CRYBG3: variants seen among roughly 807,000 people sequenced by gnomAD.
The protein encoded by CRYBG3 is crystallin beta-gamma domain containing 3.
Under a neutral mutation model 244.2 loss-of-function variants are expected in CRYBG3, and 127 were observed. That is an observed-to-expected ratio of 0.52 (90% CI 0.45 to 0.60). The LOEUF (loss-of-function observed/expected upper bound fraction) is 0.60. Ranked by LOEUF, CRYBG3 falls within the 20% of genes least tolerant of loss-of-function variation. The probability of loss-of-function intolerance (pLI) is 0.00; values close to 1 mark genes in which losing one functional copy is unlikely to be tolerated. For missense variants in CRYBG3, 3,325 were observed against 3,442.5 expected, an observed-to-expected ratio of 0.97 and a Z score of 0.85; for synonymous variants, 1,132 against 1,195.8, an observed-to-expected ratio of 0.95 and a Z score of 1.10.
chr3:97,910,340 C>T (rs2039853173), intron 15 of CRYBG3, among the ~76,000 whole-genome samples: 1 of 152,226 alleles, frequency 6.6e-6, no homozygotes, highest in African/African-American at 2.4e-5. Flanking sequence ...GGCACCCCTC[C>T]CCCAGCCTGG....
At chr3:97,823,863 A>G (rs1559709089) in intron 1 of CRYBG3, among the ~76,000 whole-genome samples, 1 of 152,122 alleles carries the variant, frequency 6.6e-6, no homozygotes, top group Non-Finnish European at 1.5e-5. Context: ...TCTCTGCCCT[A>G]TTTTGGCTTT....
At chr3:97,885,973 G>C (rs921775891) in intron 7 of CRYBG3, among the ~76,000 whole-genome samples, 1 of 152,130 alleles carries the variant, frequency 6.6e-6, no homozygotes, top group Non-Finnish European at 1.5e-5. Context: ...GAAGAGATAT[G>C]CATGAGGGAA....
intron 10 of CRYBG3, among the ~76,000 whole-genome samples, chr3:97,892,345 A>G (rs2039588191): frequency 6.6e-6 from 1 of 152,156 alleles, no homozygotes; most frequent in African/African-American, 2.4e-5. Flanking sequence ...TGCAAACAAG[A>G]TGAATTTTTT....
In CRYBG3 at chr3:97,896,086, G is replaced by A. The variant is rs747144862; in HGVS notation, c.7701+1G>A. On this transcript the variant is annotated splice_donor_variant, in intron 12 of 21. Transcript: ENST00000389622. LOFTEE classifies it high-confidence loss of function. ...CTTGTCTTTCCGGTACTTACAAGCT[G>A]TGAGTTAGCTTCCTTATCCTTAATT... 1.0e-5 allele frequency: 16 copies of A among 1,604,158 alleles called. No homozygotes were observed. The highest frequency in any genetic ancestry group is 1.3e-5 in the Non-Finnish European group (15 of 1,175,986).
At chr3:97,830,651 T>C (rs1276198605) in intron 1 of CRYBG3, among the ~76,000 whole-genome samples, 1 of 152,204 alleles carries the variant, frequency 6.6e-6, no homozygotes, top group Admixed American at 6.5e-5. Flanking sequence ...TCTCTATTAG[T>C]CTTCTCTTTA....
chr3:97,942,491 A>C (rs1249250703), intron 21 of CRYBG3, 48 bp downstream of exon 21: 2 of 1,509,396 alleles, frequency 1.3e-6, no homozygotes, highest in African/African-American at 2.8e-5. Flanking sequence ...TATTAGTTTC[A>C]GTTCCAAATC....
intron 17 of CRYBG3, among the ~76,000 whole-genome samples, chr3:97,933,327 C>A (rs1417575686): frequency 6.6e-6 from 1 of 151,990 alleles, no homozygotes; most frequent in Admixed American, 6.6e-5. Context: ...AATTAGGGTG[C>A]CATTCCATTC....
Position 97,875,577 on chromosome 3 carries a change from TAACAA to T in CRYBG3, c.4387_4391del (p.Lys1463Ter). The T allele has an allele frequency of 8.1e-7, 1 of 1,239,890 alleles. No individual in the cohort carries two copies. Among genetic ancestry groups the T allele is most frequent in the Non-Finnish European group, 1.0e-6 (1 of 993,454 alleles). 76.8% of individuals were successfully genotyped at this position (1,239,890 alleles called of 1,614,324 possible). On this transcript the variant is annotated frameshift_variant, in exon 4 of 22. Coordinates refer to ENST00000389622, the MANE Select transcript of CRYBG3 (RefSeq NM_153605.4). LOFTEE classifies it high-confidence loss of function. The stretch of plus-strand genomic sequence containing the variant: ...CAATGGAAATAGAGAATGTGGATAA[TAACAA>T]AACTGAGACAGAGGACAGAAGAACT...
Position 97,871,998 on chromosome 3 carries a change from C to G in CRYBG3, c.804C>G (p.His268Gln). The G allele has an allele frequency of 6.5e-7, 1 of 1,535,902 alleles. No individual in the cohort carries two copies. Among genetic ancestry groups the G allele is most frequent in the Non-Finnish European group, 8.7e-7 (1 of 1,146,762 alleles). ...NESSDSSTNR[H>Q]IDPGSEIEAG... Reference sequence around the variant, plus strand: ...GTTCTGACTCTAGTACAAACAGACACATTGACCCTGGAAGTGAGATTGAGG... The same window carrying G: ...GTTCTGACTCTAGTACAAACAGACAGATTGACCCTGGAAGTGAGATTGAGG... The change falls in exon 4 of 22, where the codon CAC (histidine) becomes CAG (glutamine). Residue 268 changes from histidine (H) to glutamine (Q), a missense_variant. Coordinates refer to ENST00000389622, the MANE Select transcript of CRYBG3 (RefSeq NM_153605.4).
At chr3:97,899,587 G>A (rs1438663977) in intron 14 of CRYBG3, among the ~76,000 whole-genome samples, 7 of 152,190 alleles carry the variant, frequency 4.6e-5, no homozygotes, top group African/African-American at 1.7e-4. Context: ...GGAAATAGAT[G>A]TATGGACAAT....
chr3:97,836,488 C>CT (rs2038734925), intron 1 of CRYBG3, among the ~76,000 whole-genome samples: 1 of 152,056 alleles, frequency 6.6e-6, no homozygotes, highest in African/African-American at 2.4e-5. Flanking sequence ...GGAACTCTGT[C>CT]TTTTTCCCCA....
intron 1 of CRYBG3, among the ~76,000 whole-genome samples, chr3:97,829,949 C>A (rs1367249318): frequency 1.3e-5 from 2 of 152,042 alleles, no homozygotes; most frequent in Non-Finnish European, 2.9e-5. Flanking sequence ...TAAGCTGTTT[C>A]TCCTGGAACA....
At chr3:97,933,517 AATT>A in intron 17 of CRYBG3, 174 bp from the exon 18 acceptor site, 1 of 723,748 alleles carries the variant, frequency 1.4e-6, no homozygotes, top group Non-Finnish European at 2.4e-6. Context: ...AGTGAACAAA[AATT>A]ATTAATAAAA....
At chr3:97,936,065 G>A (rs2040160467) in intron 18 of CRYBG3, among the ~76,000 whole-genome samples, 1 of 152,042 alleles carries the variant, frequency 6.6e-6, no homozygotes, top group African/African-American at 2.4e-5. Context: ...TCTGTAAAGG[G>A]CCAGATAGTC....
intron 2 of CRYBG3, among the ~76,000 whole-genome samples, chr3:97,862,621 T>C (rs997213673): frequency 3.3e-5 from 5 of 152,146 alleles, no homozygotes; most frequent in African/African-American, 9.7e-5. Flanking sequence ...ACTGCCAAAC[T>C]GAGAGGTTGT....
intron 17 of CRYBG3, among the ~76,000 whole-genome samples, chr3:97,932,679 G>A (rs1359009516): frequency 6.6e-6 from 1 of 152,064 alleles, no homozygotes; most frequent in East Asian, 1.9e-4. Flanking sequence ...ATCTGTCTCT[G>A]TCCTGTCAGT....
chr3:97,935,795 T>C (rs1239901205), intron 18 of CRYBG3, among the ~76,000 whole-genome samples: 1 of 152,034 alleles, frequency 6.6e-6, no homozygotes, highest in East Asian at 1.9e-4. Context: ...GCAGACTACC[T>C]TGCCTGCTGC....
chr3:97,862,194 G>A (rs1175752669), intron 2 of CRYBG3, among the ~76,000 whole-genome samples: 1 of 152,028 alleles, frequency 6.6e-6, no homozygotes, highest in African/African-American at 2.4e-5. Context: ...AACCTGTTAT[G>A]CTTTGAAAAG....
At position 97,864,305 on chromosome 3, in the gene CRYBG3, C is replaced by A; in HGVS notation, c.305C>A (p.Ser102Tyr). The change falls in exon 3 of 22, where the codon TCC (serine) becomes TAC (tyrosine). Residue 102 changes from serine to tyrosine, a missense_variant. Ser to Tyr is a moderately radical substitution (Grantham distance 144). Transcript: ENST00000389622. Reference sequence around the variant, plus strand: ...GATCCCAAAAAGGCATATGATCTTTCCAGTTCCACTTCAGATACCAAAATA... The same window carrying A: ...GATCCCAAAAAGGCATATGATCTTTACAGTTCCACTTCAGATACCAAAATA... ...QEDPKKAYDL[S>Y]SSTSDTKIGE... 6 of 1,535,840 alleles carry A rather than the reference C, an allele frequency of 3.9e-6. No individual in the cohort carries two copies. The highest frequency in any genetic ancestry group is 1.7e-4 in the Middle Eastern group (1 of 5,988).
Sources: gnomAD v4.1 joint callset for allele counts (sites outside exome capture counted in the v4.1 genomes callset) on GRCh38, gnomAD v4.1.1 for gene constraint, MANE v1.5 for transcripts, NCBI Gene and HGNC (gene_info 2026-07-23, HGNC 2026-07-21) for gene names.